The following RC3H2 variants were observed in gnomAD, a reference collection of about 807,000 sequenced individuals.
RC3H2 encodes the protein ring finger and CCCH-type domains 2.
RC3H2 carries 31 observed loss-of-function variants against 133.3 expected under a neutral mutation model. That is an observed-to-expected ratio of 0.23 (90% CI 0.17 to 0.31). The LOEUF is 0.31. RC3H2 is among the 10% of genes least tolerant of loss of function. The pLI, the probability that RC3H2 is intolerant of heterozygous loss-of-function variation, is 1.00. For synonymous variants in RC3H2, 517 were observed against 502.2 expected, an observed-to-expected ratio of 1.03 and a Z score of -0.40; for missense variants, 1,175 against 1,437.2, an observed-to-expected ratio of 0.82 and a Z score of 2.95.
rs1023079599 is a variant in RC3H2 at position 122,846,029 on chromosome 9, A to G, written c.*3598T>C. On this transcript the variant is annotated 3_prime_UTR_variant, in exon 21 of 21. Coordinates refer to ENST00000357244, the MANE Select transcript of RC3H2 (RefSeq NM_001100588.3). ...GGTTATACATTCCACCCCTGTTAAC[A>G]AGACAACATAGGCTTTAATGTCTAA... 2.0e-5 allele frequency: 3 copies of G among 152,222 alleles called. No individual in the cohort carries two copies. Among genetic ancestry groups the G allele is most frequent in the Admixed American group, 2.0e-4 (3 of 15,280 alleles). The allele number at this position is 152,222 out of a possible 1,614,324, so 9.4% of individuals were successfully genotyped here.
Position 122,890,389 on chromosome 9 carries a change from T to C in RC3H2, c.506A>G (p.Gln169Arg), listed in dbSNP as rs1832113109. ...GERTVTELIL[Q>R]HQNPQQLSAN... ...AGACAACTGCTGAGGGTTCTGGTGC[T>C]GTAATATCAGTTCTGTTACAGTTCT... Residue 169 changes from glutamine (Q) to arginine (R), a missense_variant, in exon 4 of 21, where the codon CAG (glutamine) becomes CGG (arginine). Gln to Arg is a conservative substitution (Grantham distance 43). This residue lies in a region of RC3H2 where 121 missense variants were observed against 243.5 expected (regional missense o/e 0.50). Transcript: ENST00000357244. 1 of 1,614,164 alleles carries C rather than the reference T, an allele frequency of 6.2e-7. No homozygotes were observed. Among genetic ancestry groups the C allele is most frequent in the Non-Finnish European group, 8.5e-7 (1 of 1,180,028 alleles).
intron 1 of RC3H2, among the ~76,000 whole-genome samples, chr9:122,900,314 T>C (rs889182659): frequency 6.6e-6 from 1 of 152,186 alleles, no homozygotes; most frequent in African/African-American, 2.4e-5. Flanking sequence ...TTTCTGACAG[T>C]AAATTATCAA....
chr9:122,851,203 G>A lies in RC3H2; in HGVS notation c.3258C>T (p.Ile1086=). ...IEEILDIQLG[I]SSQNDQLLNG... ...TTAGCAACTGATCATTTTGAGAACTGATACCAAGCTGTATGTCCAAGATCT... is the reference window on the plus strand; with the variant it reads ...TTAGCAACTGATCATTTTGAGAACTAATACCAAGCTGTATGTCCAAGATCT... The change falls in exon 20 of 21, where the codon ATC becomes ATT. Residue 1086 remains isoleucine (I), a synonymous_variant. Coordinates refer to ENST00000357244, the MANE Select transcript of RC3H2 (RefSeq NM_001100588.3). 1 of 1,614,016 alleles carries A rather than the reference G, an allele frequency of 6.2e-7. No homozygotes were observed. The highest frequency in any genetic ancestry group is 8.5e-7 in the Non-Finnish European group (1 of 1,179,922).
chr9:122,881,957 C>CG (rs1262632292), intron 5 of RC3H2, among the ~76,000 whole-genome samples: 1 of 152,070 alleles, frequency 6.6e-6, no homozygotes, highest in Non-Finnish European at 1.5e-5. Context: ...TTACCACTAC[C>CG]ACATGATAAT....
rs1175226750 is a variant in RC3H2, at chr9:122,880,666, T to C, written c.888A>G (p.Ser296=). ...HIAMEAGLRI[S]PEQWSSLLYG... ...ACAAAAGAGAGGACCACTGTTCAGG[T>C]GAAATACGGAGTCCTGCTTCCATGG... Residue 296 remains serine, a synonymous_variant, in exon 6 of 21, where the codon TCA becomes TCG. Coordinates refer to ENST00000357244, the MANE Select transcript of RC3H2 (RefSeq NM_001100588.3). The C allele has an allele frequency of 1.2e-6, 2 of 1,614,138 alleles. No homozygotes were observed. The highest frequency in any genetic ancestry group is 2.2e-5 in the East Asian group (1 of 44,874).
Position 122,865,505 on chromosome 9 carries a change from G to A in RC3H2, c.1478C>T (p.Thr493Ile), listed in dbSNP as rs1172139882. ...GTTTTCTGCATTTGAAATTCCGTTT[G>A]TACTTGGAACAATTTTCCCTGTTGT... is the stretch of plus-strand genomic sequence containing the variant. ...TETTGKIVPS[T>I]NGISNAENSV... is the part of the protein sequence containing the mutation. Residue 493 changes from threonine (T) to isoleucine (I), a missense_variant, in exon 10 of 21, where the codon ACA becomes ATA. Thr to Ile is a moderately conservative substitution (Grantham distance 89, BLOSUM62 -1). Around this residue, in one of 8 missense-constraint regions of RC3H2, gnomAD observed 490 missense variants for 492.8 expected, o/e 0.99. Transcript: ENST00000357244. The A allele has an allele frequency of 6.2e-7, 1 of 1,614,054 alleles. No individual in the cohort carries two copies. Among genetic ancestry groups the A allele is most frequent in the Non-Finnish European group, 8.5e-7 (1 of 1,180,032 alleles).
chr9:122,855,249 T>C lies in RC3H2; in HGVS notation c.2750A>G (p.His917Arg). 6.2e-7 allele frequency: 1 copy of C among 1,614,194 alleles called. No homozygotes were observed. Among genetic ancestry groups the C allele is most frequent in the Non-Finnish European group, 8.5e-7 (1 of 1,180,032 alleles). Residue 917 changes from histidine to arginine, a missense_variant, in exon 15 of 21, where the codon CAT becomes CGT. Coordinates refer to ENST00000357244, the MANE Select transcript of RC3H2 (RefSeq NM_001100588.3). The stretch of plus-strand genomic sequence containing the variant: ...AGTGGCCTGGACAGGATCTGTGGTA[T>C]GGTAACCTGTACGGGAAGATCTGGA... ...AISRSSRTGY[H>R]TTDPVQATAS...
rs1021848198 is a variant in RC3H2, at chr9:122,858,688, G to A, written c.2264C>T (p.Thr755Ile). The change falls in exon 12 of 21, where the codon ACA (threonine) becomes ATA (isoleucine). Residue 755 changes from threonine (T) to isoleucine (I), a missense_variant. Thr to Ile is a moderately conservative substitution (Grantham distance 89). This residue lies in a region of RC3H2 where 490 missense variants were observed against 492.8 expected (regional missense o/e 0.99). Transcript: ENST00000357244. The part of the protein sequence containing the change: ...VACQPPSEPR[T>I]TVPLPREPCG... Reference sequence around the variant, plus strand: ...ACTTACCCTTGGTAAAGGCACAGTTGTCCTTGGCTCACTTGGTGGCTGACA... The same window carrying A: ...ACTTACCCTTGGTAAAGGCACAGTTATCCTTGGCTCACTTGGTGGCTGACA... 6.2e-7 allele frequency: 1 copy of A among 1,610,516 alleles called. No individual in the cohort carries two copies. Among genetic ancestry groups the A allele is most frequent in the African/African-American group, 1.3e-5 (1 of 74,924 alleles).
At position 122,877,932 on chromosome 9, in the gene RC3H2, T is replaced by TA. The variant is rs202137617; in HGVS notation, c.1213-350dup. On this transcript the variant is annotated intron_variant, in intron 8 of 20. Coordinates refer to ENST00000357244, the MANE Select transcript of RC3H2 (RefSeq NM_001100588.3). ...AAAATCAAACAATTTTAAAAAGCAT[T>TA]AAAAAAAAACCAAAAGCTTTGTCTA... 1.2e-3 allele frequency among the ~76,000 whole-genome samples: 183 copies of TA among 151,284 alleles called. 1 individual carries two copies. Among genetic ancestry groups the TA allele is most frequent in the Middle Eastern group, 0.01 (3 of 294 alleles).
At chr9:122,901,469 T>C (rs1456784206) in intron 1 of RC3H2, among the ~76,000 whole-genome samples, 1 of 152,190 alleles carries the variant, frequency 6.6e-6, no homozygotes, top group South Asian at 2.1e-4. Flanking sequence ...AAGACTGCTA[T>C]AATATGTGAT....
chr9:122,860,113 G>A lies in RC3H2; in HGVS notation c.1653C>T (p.Pro551=), dbSNP rs1287819437. 6.2e-7 allele frequency: 1 copy of A among 1,614,004 alleles called. No individual in the cohort carries two copies. Among genetic ancestry groups the A allele is most frequent in the South Asian group, 1.1e-5 (1 of 91,080 alleles). ...CTGCTACATTACTTACAGGAGTCTT[G>A]GGTGGAGAACCAATTTTACTGGAGA... ...SVTENKIGSP[P]KTPVSNVAAT... Residue 551 remains proline (P), a synonymous_variant, in exon 11 of 21, where the codon CCC becomes CCT. Transcript: ENST00000357244.
At chr9:122,874,491 T>G (rs912860589) in intron 9 of RC3H2, 8 of 151,586 alleles carry the variant, frequency 5.3e-5, no homozygotes, top group Non-Finnish European at 8.8e-5. Context: ...ATGAGTGATA[T>G]TTTATATATT....
intron 9 of RC3H2, among the ~76,000 whole-genome samples, chr9:122,870,350 G>A (rs1449465851): frequency 6.6e-6 from 1 of 150,886 alleles, no homozygotes; most frequent in Non-Finnish European, 1.5e-5. Flanking sequence ...ACTCCAGCCT[G>A]GCCGACAGAG....
At chr9:122,892,661 C>G (rs543892579) in intron 3 of RC3H2, among the ~76,000 whole-genome samples, 1 of 152,158 alleles carries the variant, frequency 6.6e-6, no homozygotes, top group Non-Finnish European at 1.5e-5. Context: ...TCCGCCCGCG[C>G]TGGCCTCCCA....
chr9:122,867,221 G>C (rs1349097400), intron 9 of RC3H2, among the ~76,000 whole-genome samples: 2 of 89,304 alleles, frequency 2.2e-5, no homozygotes, highest in Admixed American at 2.1e-4. Context: ...CACCCCGTCC[G>C]GGAGGGAGGT....
At chr9:122,885,103 T>A (rs1195013626) in intron 4 of RC3H2, among the ~76,000 whole-genome samples, 1 of 152,132 alleles carries the variant, frequency 6.6e-6, no homozygotes, top group Non-Finnish European at 1.5e-5. Context: ...TACTGTATTG[T>A]ATCATTAATT....
At chr9:122,860,161 G>A (rs768671508) in intron 10 of RC3H2, 30 bp from the exon 11 acceptor site, 8 of 1,521,614 alleles carry the variant, frequency 5.3e-6, no homozygotes, top group East Asian at 2.3e-5. Context: ...AAGGGCAAAG[G>A]AGAAATCACT....
chr9:122,851,484 A>C, intron 18 of RC3H2, 48 bp from the exon 19 acceptor site: 3 of 1,582,472 alleles, frequency 1.9e-6, no homozygotes, highest in African/African-American at 1.3e-5. Context: ...CCCTCTCCCC[A>C]TGGTCTCCCT....
At chr9:122,865,950 C>T (rs1245496154) in intron 9 of RC3H2, among the ~76,000 whole-genome samples, 1 of 151,860 alleles carries the variant, frequency 6.6e-6, no homozygotes, top group Non-Finnish European at 1.5e-5. Flanking sequence ...TTCAAAAAAA[C>T]CTTTTGAGGG....
Sources: gnomAD v4.1 joint callset for allele counts (sites outside exome capture counted in the v4.1 genomes callset) on GRCh38, gnomAD v4.1.1 for gene constraint, gnomAD v4.1.1 regional missense constraint, MANE v1.5 for transcripts, NCBI Gene and HGNC (gene_info 2026-07-23, HGNC 2026-07-21) for gene names.